MALRD1: variants seen among roughly 807,000 people sequenced by gnomAD.
The protein encoded by MALRD1 is MAM and LDL receptor class A domain containing 1, also known as MAM and LDL-receptor class A domain-containing protein 1.
In MALRD1, 247 loss-of-function variants were observed where a neutral mutation model predicts 242.1. The observed-to-expected ratio is 1.02, with a 90% CI of 0.92 to 1.13. The LOEUF (loss-of-function observed/expected upper bound fraction) is 1.13, where lower values mean the gene tolerates loss of function less well. Ranked by LOEUF, MALRD1 falls within the 50% of genes most tolerant of loss-of-function variation. MALRD1 has a pLI of 0.00. For synonymous variants in MALRD1, 995 were observed against 866.6 expected (o/e 1.15, Z -2.60); for missense variants, 2,989 against 2,533.1 (o/e 1.18, Z -3.86).
At position 19,595,268 on chromosome 10, in the gene MALRD1, C is replaced by T. The variant is rs61747175; in HGVS notation, c.5755C>T (p.Leu1919Phe). ...TATCTACACACTCCAATGTGTCCCT[C>T]TCTCAGGGAAATGTGATGGACATGA... The part of the protein sequence containing the change: ...SCIYTLQCVP[L>F]SGKCDGHEDC... Residue 1919 changes from leucine (L) to phenylalanine (F), a missense_variant, in exon 34 of 40, where the codon CTC becomes TTC. Physicochemically the swap from Leu to Phe is conservative, Grantham distance 22 (BLOSUM62 0). Transcript: ENST00000454679. The T allele has an allele frequency of 1.9e-6, 3 of 1,550,520 alleles. No individual in the cohort carries two copies. In the African/African-American group the frequency reaches 4.1e-5, roughly 21 times the overall value.
intron 33 of MALRD1, among the ~76,000 whole-genome samples, chr10:19,592,023 A>T (rs1048559084): frequency 1.3e-5 from 2 of 152,144 alleles, no homozygotes; most frequent in East Asian, 3.9e-4. Context: ...GACTACCTAG[A>T]CTCTCTGTAG....
In MALRD1 at chr10:19,595,166, A is replaced by G. The variant is rs539624300; in HGVS notation, c.5681-28A>G. 9 of 1,533,078 alleles carry G rather than the reference A, an allele frequency of 5.9e-6. No individual in the cohort carries two copies. In the East Asian group the frequency reaches 1.5e-4, roughly 25 times the overall value. The allele number at this position is 1,533,078 out of a possible 1,614,324, so 95.0% of individuals were successfully genotyped here. ...GATGGAGGGAAACTCCCTAATGCCA[A>G]AATAACTTGACTTGCTCTCTTTTTT... On this transcript the variant is annotated intron_variant, in intron 33 of 39. Coordinates refer to ENST00000454679, the MANE Select transcript of MALRD1 (RefSeq NM_001142308.3).
chr10:19,448,556 C>T (rs1835132967), intron 28 of MALRD1, among the ~76,000 whole-genome samples: 1 of 152,060 alleles, frequency 6.6e-6, no homozygotes, highest in Non-Finnish European at 1.5e-5. Context: ...GTCCTGTGCT[C>T]AACTGGTTAA....
At chr10:19,319,715 C>G (rs927254294) in intron 21 of MALRD1, among the ~76,000 whole-genome samples, 2 of 152,054 alleles carry the variant, frequency 1.3e-5, no homozygotes, top group Middle Eastern at 3.4e-3. Flanking sequence ...AAGGGACTTG[C>G]TAGCTCTCTG....
intron 9 of MALRD1, among the ~76,000 whole-genome samples, chr10:19,135,084 A>G (rs1833282432): frequency 1.3e-5 from 2 of 152,326 alleles, no homozygotes; most frequent in Admixed American, 6.5e-5. Context: ...TCTAAACCAA[A>G]TTATTAGACA....
rs915323163 is a variant in MALRD1, at chr10:19,233,769, A to G, written c.2992-23915A>G. On this transcript the variant is annotated intron_variant, in intron 18 of 39. Transcript: ENST00000454679. ...ATAACATTAGTGCTAATTTGTTTCA[A>G]TTTGAAGCACTGGATTAAAATGAAT... is the stretch of plus-strand genomic sequence containing the variant. Among the ~76,000 whole-genome samples, 36 of 152,130 alleles carry G rather than the reference A, an allele frequency of 2.4e-4. 1 individual carries two copies. The highest frequency in any genetic ancestry group is 8.4e-4 in the African/African-American group (35 of 41,438).
chr10:19,367,696 T>C (rs1012468684), intron 26 of MALRD1, among the ~76,000 whole-genome samples: 1 of 152,134 alleles, frequency 6.6e-6, no homozygotes, highest in Non-Finnish European at 1.5e-5. Flanking sequence ...CTGTTCTTCG[T>C]AGTGGCTGCA....
chr10:19,632,085 G>T (rs1262462685), intron 36 of MALRD1, among the ~76,000 whole-genome samples: 1 of 152,102 alleles, frequency 6.6e-6, no homozygotes, highest in African/African-American at 2.4e-5. Context: ...ATGAAGGTAT[G>T]AGCAAGGTTG....
chr10:19,176,292 C>T (rs147849261), intron 14 of MALRD1, among the ~76,000 whole-genome samples: 30 of 149,774 alleles, frequency 2.0e-4, no homozygotes, highest in Middle Eastern at 3.5e-3. Flanking sequence ...TGGATTGAGG[C>T]GATTAAAGAA....
chr10:19,716,342 C>G (rs929241916), intron 38 of MALRD1, among the ~76,000 whole-genome samples: 1 of 152,070 alleles, frequency 6.6e-6, no homozygotes, highest in East Asian at 1.9e-4. Context: ...ACCATCCCCC[C>G]CAGTGCTGTT....
At chr10:19,619,500 C>T (rs1394352554) in intron 36 of MALRD1, among the ~76,000 whole-genome samples, 1 of 151,882 alleles carries the variant, frequency 6.6e-6, no homozygotes, top group Non-Finnish European at 1.5e-5. Context: ...AGGATACCTC[C>T]AACAATTATG....
At chr10:19,344,774 T>C (rs1024980364) in intron 24 of MALRD1, among the ~76,000 whole-genome samples, 4 of 151,748 alleles carry the variant, frequency 2.6e-5, no homozygotes, top group Non-Finnish European at 4.4e-5. Context: ...ATGAGCATAG[T>C]AGGTTTCTCC....
intron 29 of MALRD1, among the ~76,000 whole-genome samples, chr10:19,470,690 C>T (rs550229559): frequency 6.6e-6 from 1 of 151,816 alleles, no homozygotes; most frequent in Non-Finnish European, 1.5e-5. Context: ...GTGATATTGT[C>T]CATGTTTTCA....
At chr10:19,368,842 T>G (rs946660701) in intron 26 of MALRD1, among the ~76,000 whole-genome samples, 10 of 150,530 alleles carry the variant, frequency 6.6e-5, no homozygotes, top group African/African-American at 2.0e-4. Flanking sequence ...CCTGATAGCT[T>G]TTTGCTTGTG....
chr10:19,359,330 G>A (rs1359448916), intron 26 of MALRD1, among the ~76,000 whole-genome samples: 2 of 152,024 alleles, frequency 1.3e-5, no homozygotes, highest in African/African-American at 4.8e-5. Context: ...AATACATATT[G>A]ACATCACCCC....
At chr10:19,457,613 G>T (rs74118952) in intron 29 of MALRD1, among the ~76,000 whole-genome samples, 1 of 151,330 alleles carries the variant, frequency 6.6e-6, no homozygotes, top group Non-Finnish European at 1.5e-5. Flanking sequence ...GTTCTAGAAC[G>T]TCCCTTCTTA....
At chr10:19,497,106 T>C (rs961584405) in intron 30 of MALRD1, among the ~76,000 whole-genome samples, 16 of 152,136 alleles carry the variant, frequency 1.1e-4, no homozygotes, top group African/African-American at 3.6e-4. Flanking sequence ...GGAATAAATA[T>C]TGTAGGGCTG....
intron 21 of MALRD1, among the ~76,000 whole-genome samples, chr10:19,298,070 C>T (rs916216267): frequency 1.6e-4 from 24 of 152,102 alleles, no homozygotes; most frequent in African/African-American, 5.3e-4. Context: ...TTATTTAGCT[C>T]ATGGTCTGCA....
At chr10:19,365,838 T>G (rs898581974) in intron 26 of MALRD1, among the ~76,000 whole-genome samples, 3 of 152,072 alleles carry the variant, frequency 2.0e-5, no homozygotes, top group African/African-American at 7.2e-5. Context: ...TCCACCAAAA[T>G]AGAGAACATC....
Sources: allele counts gnomAD v4.1 joint callset (sites outside exome capture counted in the v4.1 genomes callset), GRCh38; gene constraint gnomAD v4.1.1; transcripts MANE v1.5; gene names NCBI Gene and HGNC (gene_info 2026-07-23, HGNC 2026-07-21).